TJP1: variants seen among roughly 807,000 people sequenced by gnomAD.
TJP1 encodes tight junction protein 1.
TJP1 carries 43 observed loss-of-function variants against 194.2 expected under a neutral mutation model. The observed-to-expected ratio is 0.22, with a 90% confidence interval of 0.17 to 0.29. The LOEUF (loss-of-function observed/expected upper bound fraction) is 0.29. Ranked by LOEUF, TJP1 falls within the 10% of genes least tolerant of loss-of-function variation. The pLI is 1.00. For missense variants in TJP1, 1,971 were observed against 2,185.7 expected (o/e 0.90, Z 1.96); for synonymous variants, 801 against 779.0 (o/e 1.03, Z -0.47).
At chr15:29,788,758 G>T (rs2047874513) in intron 2 of TJP1, among the ~76,000 whole-genome samples, 1 of 152,198 alleles carries the variant, frequency 6.6e-6, no homozygotes, top group Non-Finnish European at 1.5e-5. Flanking sequence ...TGAAAAAGCA[G>T]AGTAACGACG....
chr15:29,924,677 C>T (rs1208595191), intron 2 of TJP1, among the ~76,000 whole-genome samples: 4 of 152,194 alleles, frequency 2.6e-5, no homozygotes, highest in Non-Finnish European at 5.9e-5. Context: ...TGTGACCACA[C>T]TGCCTAGTCT....
In TJP1 at chr15:29,730,770, G is replaced by A. The variant is rs369402597; in HGVS notation, c.2017+1663C>T. ...GGGAGATAAAGCCAAGGTGAAGGAC[G>A]AACCACAGAGAAGATCCGCGAGGTT... On this transcript the variant is annotated intron_variant, in intron 15 of 27. Coordinates refer to ENST00000614355, the MANE Select transcript of TJP1 (RefSeq NM_001330239.4). 350 of 769,594 alleles carry A rather than the reference G, an allele frequency of 4.5e-4. No homozygotes were observed. The African/African-American group carries it at 5.0e-3, about 11-fold the overall frequency. The allele number at this position is 769,594 out of a possible 1,614,324, so 47.7% of individuals were successfully genotyped here. A position where few individuals can be genotyped will look rare whatever the true frequency, so the allele number is the denominator to read the frequency against.
At chr15:29,826,901 G>A (rs1451270508), upstream of TJP1, among the ~76,000 whole-genome samples, 2 of 152,110 alleles carry the variant, frequency 1.3e-5, no homozygotes, top group African/African-American at 4.8e-5. Context: ...GGGAAAATGA[G>A]GCACACACTG....
intron 1 of TJP1, among the ~76,000 whole-genome samples, chr15:29,961,505 T>C (rs1456695147): frequency 6.6e-6 from 1 of 152,148 alleles, no homozygotes; most frequent in Non-Finnish European, 1.5e-5. Context: ...TTCCATTTTA[T>C]CCTCCCTAGA....
At position 29,965,117 on chromosome 15, in the gene TJP1, C is replaced by T. The variant is rs79735370; in HGVS notation, c.173+3550G>A. ...ATAGACTGCAGTAAAGACAGAGAAACACAGATATATAAATATCTTCATATA... is the reference window on the plus strand; with the variant it reads ...ATAGACTGCAGTAAAGACAGAGAAATACAGATATATAAATATCTTCATATA... On this transcript the variant is annotated intron_variant, in intron 1 of 28. Transcript: ENST00000356107. Among the ~76,000 whole-genome samples, 262 of 152,312 alleles carry T rather than the reference C, an allele frequency of 1.7e-3. 1 individual carries two copies. The highest frequency in any genetic ancestry group is 6.0e-3 in the African/African-American group (251 of 41,556).
At chr15:29,834,451 C>T (rs2050959292) in intron 2 of TJP1, among the ~76,000 whole-genome samples, 1 of 152,096 alleles carries the variant, frequency 6.6e-6, no homozygotes, top group South Asian at 2.1e-4. Context: ...AACTCCTGAC[C>T]TCACAATCCA....
intron 2 of TJP1, among the ~76,000 whole-genome samples, chr15:29,856,704 T>G (rs977869510): frequency 6.6e-6 from 1 of 152,086 alleles, no homozygotes; most frequent in Non-Finnish European, 1.5e-5. Context: ...CCAGGTGTGG[T>G]GGCTCATGCT....
chr15:29,949,362 CAACCATCTT>C (rs2055452457), intron 2 of TJP1, among the ~76,000 whole-genome samples: 3 of 145,568 alleles, frequency 2.1e-5, no homozygotes, highest in African/African-American at 5.0e-5. Flanking sequence ...ACCTCCACCA[CAACCATCTT>C]CACCACTGCT....
At position 29,720,495 on chromosome 15, in the gene TJP1, G is replaced by T. The variant is rs777037272; in HGVS notation, c.2626C>A (p.Arg876=). Reference sequence around the variant, plus strand: ...TCCTCTCTTACAGGCTCAGAGGACCGTGTAATGGCAGACTCCGGTGGAGTC... The same window carrying T: ...TCCTCTCTTACAGGCTCAGAGGACCTTGTAATGGCAGACTCCGGTGGAGTC... ...VGTPPESAIT[R]SSEPVREDSS... is the part of the protein sequence containing the mutation. Residue 876 remains arginine, a synonymous_variant, in exon 19 of 28, where the codon CGG becomes AGG. Transcript: ENST00000614355. 2 of 1,614,110 alleles carry T rather than the reference G, an allele frequency of 1.2e-6. No individual in the cohort carries two copies. The highest frequency in any genetic ancestry group is 2.2e-5 in the South Asian group (2 of 91,068).
upstream of TJP1, chr15:29,823,971 T>A (rs971590735): frequency 6.6e-6 from 1 of 150,808 alleles, no homozygotes; most frequent in Non-Finnish European, 1.5e-5. Flanking sequence ...TAGTCCCAGC[T>A]ACTCGGGAGG....
At chr15:29,905,783 A>G (rs1351787093) in intron 2 of TJP1, among the ~76,000 whole-genome samples, 1 of 152,246 alleles carries the variant, frequency 6.6e-6, no homozygotes, top group Non-Finnish European at 1.5e-5. Flanking sequence ...TGGATATTGT[A>G]TGATTCCAAC....
At chr15:29,744,867 T>C (rs1321615830) in intron 8 of TJP1, among the ~76,000 whole-genome samples, 1 of 151,970 alleles carries the variant, frequency 6.6e-6, no homozygotes, top group Non-Finnish European at 1.5e-5. Context: ...AGAGAGAAAA[T>C]AATATATTTT....
chr15:29,876,856 G>C (rs1364401407), intron 2 of TJP1, among the ~76,000 whole-genome samples: 1 of 152,136 alleles, frequency 6.6e-6, no homozygotes, highest in Non-Finnish European at 1.5e-5. Flanking sequence ...GCACACTCTT[G>C]ACCATATCCT....
intron 22 of TJP1, 39 bp from the exon 23 acceptor site, chr15:29,716,877 A>G: frequency 2.6e-6 from 4 of 1,510,284 alleles, no homozygotes; most frequent in Non-Finnish European, 3.6e-6. Context: ...ACCTTTTTAA[A>G]TATTAATGTT....
chr15:29,922,889 A>C (rs1238689151), intron 2 of TJP1, among the ~76,000 whole-genome samples: 4 of 152,222 alleles, frequency 2.6e-5, no homozygotes, highest in Non-Finnish European at 5.9e-5. Flanking sequence ...CTACATAAAA[A>C]TGTACACTTC....
In TJP1 at chr15:29,732,766, C is replaced by T. The variant is rs2151259202; in HGVS notation, c.1786G>A (p.Gly596Arg). 1.2e-6 allele frequency: 2 copies of T among 1,613,938 alleles called. No homozygotes were observed. Among genetic ancestry groups the T allele is most frequent in the Non-Finnish European group, 1.7e-6 (2 of 1,179,990 alleles). Residue 596 changes from glycine to arginine, a missense_variant, in exon 14 of 28, where the codon GGA (glycine) becomes AGA (arginine). Gly to Arg is a moderately radical substitution (Grantham distance 125). Transcript: ENST00000614355. Reference sequence around the variant, plus strand: ...AATCTCCAGAAGTCAGCACGGTCTCCGCCTGCTGTTTTTGGAAGTGTATAC... The same window carrying T: ...AATCTCCAGAAGTCAGCACGGTCTCTGCCTGCTGTTTTTGGAAGTGTATAC... ...VQYTLPKTAG[G>R]DRADFWRFRG... is the part of the protein sequence containing the mutation.
At chr15:29,711,717 A>AT (rs45458205) in intron 23 of TJP1, among the ~76,000 whole-genome samples, 6,462 of 152,292 alleles carry the variant, frequency 0.042, 172 homozygotes, top group South Asian at 0.067. Flanking sequence ...TCGGAGCACC[A>AT]TAAAAACAGA....
At chr15:29,881,468 G>A (rs978054136) in intron 2 of TJP1, among the ~76,000 whole-genome samples, 2 of 152,196 alleles carry the variant, frequency 1.3e-5, no homozygotes, top group Admixed American at 6.5e-5. Context: ...CATTGTGGTA[G>A]TAAGGAGGTG....
At chr15:29,837,051 A>C (rs1004972628) in intron 2 of TJP1, among the ~76,000 whole-genome samples, 1 of 152,230 alleles carries the variant, frequency 6.6e-6, no homozygotes, top group Non-Finnish European at 1.5e-5. Context: ...GACAAACATA[A>C]AAGAAGTAAT....
Sources: allele counts gnomAD v4.1 joint callset (sites outside exome capture counted in the v4.1 genomes callset), GRCh38; gene constraint gnomAD v4.1.1; transcripts MANE v1.5; gene names NCBI Gene and HGNC (gene_info 2026-07-23, HGNC 2026-07-21).